RPS6KA5: variants seen among roughly 807,000 people sequenced by gnomAD.
The protein encoded by RPS6KA5 is ribosomal protein S6 kinase A5.
RPS6KA5 carries 27 observed loss-of-function variants against 85.5 expected under a neutral mutation model. The ratio of observed to expected loss-of-function variants is 0.32; its 90% CI spans 0.23 to 0.44. The LOEUF (loss-of-function observed/expected upper bound fraction) is 0.44. Among genes scored for constraint, RPS6KA5 ranks in the 20% least tolerant of loss-of-function variants. The probability of loss-of-function intolerance (pLI) is 1.00; values close to 1 mark genes in which losing one functional copy is unlikely to be tolerated. For missense variants in RPS6KA5, 811 were observed against 980.9 expected (o/e 0.83, Z 2.31); for synonymous variants, 334 against 348.2 (o/e 0.96, Z 0.46).
intron 5 of RPS6KA5, among the ~76,000 whole-genome samples, chr14:90,935,214 C>T (rs772554091): frequency 6.6e-6 from 1 of 152,112 alleles, no homozygotes; most frequent in Non-Finnish European, 1.5e-5. Context: ...TCTTGAGATA[C>T]GTACATTATA....
intron 1 of RPS6KA5, among the ~76,000 whole-genome samples, chr14:91,033,519 T>C (rs2042278197): frequency 6.6e-6 from 1 of 151,682 alleles, no homozygotes; most frequent in African/African-American, 2.4e-5. Context: ...GGAGAATCAC[T>C]TGAAACCGGG....
In RPS6KA5 at chr14:90,873,680, T is replaced by C. The variant is rs2033268872; in HGVS notation, c.2112A>G (p.Leu704=). ...SSNPLMTPDI[L]GSSGAAVHTC... is the part of the protein sequence containing the mutation. The stretch of plus-strand genomic sequence containing the variant: ...TATGCACGGCAGCTCCGGAAGATCC[T>C]AGAATATCCGGAGTCATCAGAGGAT... The change falls in exon 16 of 17, where the codon CTA becomes CTG. Residue 704 remains leucine, a synonymous_variant. Transcript: ENST00000614987. The C allele has an allele frequency of 6.2e-7, 1 of 1,614,034 alleles. No homozygotes were observed. The highest frequency in any genetic ancestry group is 8.5e-7 in the Non-Finnish European group (1 of 1,180,002).
At chr14:90,980,555 G>A (rs1007517532) in intron 2 of RPS6KA5, among the ~76,000 whole-genome samples, 2 of 152,168 alleles carry the variant, frequency 1.3e-5, no homozygotes, top group African/African-American at 4.8e-5. Flanking sequence ...AAACTCATTC[G>A]ATTCTTACAA....
At chr14:90,898,203 C>T (rs1393845290) in intron 12 of RPS6KA5, among the ~76,000 whole-genome samples, 3 of 152,166 alleles carry the variant, frequency 2.0e-5, no homozygotes, top group Non-Finnish European at 4.4e-5. Context: ...ACTGTAAGAC[C>T]TGTTACTTAA....
intron 8 of RPS6KA5, among the ~76,000 whole-genome samples, chr14:90,904,796 C>T (rs1003850684): frequency 6.6e-6 from 1 of 152,042 alleles, no homozygotes; most frequent in African/African-American, 2.4e-5. Context: ...AAAGTCAAGG[C>T]AATTAAGTAA....
intron 3 of RPS6KA5, among the ~76,000 whole-genome samples, chr14:90,955,113 C>T (rs927571159): frequency 1.3e-5 from 2 of 152,192 alleles, no homozygotes; most frequent in Non-Finnish European, 1.5e-5. Flanking sequence ...TTATGTCCCT[C>T]CTTTCTGGTT....
At position 90,875,220 on chromosome 14, in the gene RPS6KA5, C is replaced by G. The variant is rs753356455; in HGVS notation, c.1977G>C (p.Glu659Asp). Residue 659 changes from glutamate to aspartate, a missense_variant, in exon 15 of 17, where the codon GAG (glutamate) becomes GAC (aspartate). Glu to Asp is a conservative substitution (Grantham distance 45). Transcript: ENST00000614987. Reference sequence around the variant, plus strand: ...TCTTACCTTGGATCAAATCTTTAGCCTCTTGGGATACATTCTTCCAGGCTT... The same window carrying G: ...TCTTACCTTGGATCAAATCTTTAGCGTCTTGGGATACATTCTTCCAGGCTT... ...EGEAWKNVSQ[E>D]AKDLIQGLLT... is the part of the protein sequence containing the mutation. 1 of 1,613,538 alleles carries G rather than the reference C, an allele frequency of 6.2e-7. No individual in the cohort carries two copies. Among genetic ancestry groups the G allele is most frequent in the East Asian group, 2.2e-5 (1 of 44,874 alleles).
At chr14:90,903,948 A>AT (rs2035338295) in intron 8 of RPS6KA5, among the ~76,000 whole-genome samples, 3 of 102,716 alleles carry the variant, frequency 2.9e-5, no homozygotes, top group Admixed American at 1.1e-4. Flanking sequence ...AACTACCATA[A>AT]ATTTTTTTTT....
chr14:90,977,436 G>A (rs189591317), intron 3 of RPS6KA5, among the ~76,000 whole-genome samples: 97 of 152,280 alleles, frequency 6.4e-4, no homozygotes, highest in African/African-American at 2.0e-3. Context: ...ATATATAAAG[G>A]TCCAGCTCTA....
intron 2 of RPS6KA5, among the ~76,000 whole-genome samples, chr14:90,993,759 T>C (rs1392170884): frequency 6.6e-6 from 1 of 152,232 alleles, no homozygotes; most frequent in Non-Finnish European, 1.5e-5. Flanking sequence ...TATACTTGTA[T>C]GCAAGTACTT....
chr14:91,018,507 A>C (rs2041601687), intron 1 of RPS6KA5, among the ~76,000 whole-genome samples: 1 of 152,254 alleles, frequency 6.6e-6, no homozygotes, highest in South Asian at 2.1e-4. Flanking sequence ...CAGCATGGCT[A>C]GAACAAAAGC....
intron 3 of RPS6KA5, among the ~76,000 whole-genome samples, chr14:90,977,738 A>G (rs1378862023): frequency 6.6e-5 from 10 of 152,170 alleles, no homozygotes; most frequent in Admixed American, 6.5e-4. Flanking sequence ...GATACCCCTA[A>G]CAATTCAAAT....
intron 1 of RPS6KA5, 113 bp from the exon 2 acceptor site, chr14:91,001,272 G>C (rs568709381): frequency 6.9e-5 from 44 of 641,770 alleles, no homozygotes; most frequent in Non-Finnish European, 1.9e-5. Flanking sequence ...TGATTAACCA[G>C]GGTTTGCTTT....
intron 5 of RPS6KA5, among the ~76,000 whole-genome samples, chr14:90,928,890 G>C (rs1474083862): frequency 6.6e-6 from 1 of 151,896 alleles, no homozygotes; most frequent in African/African-American, 2.4e-5. Flanking sequence ...TGTGACAAAT[G>C]CAATTTTATA....
chr14:91,051,068 A>C (rs931739814), intron 1 of RPS6KA5, among the ~76,000 whole-genome samples: 38 of 151,962 alleles, frequency 2.5e-4, no homozygotes, highest in Non-Finnish European at 4.1e-4. Context: ...CCTCTACCAA[A>C]AAATACAAAA....
At chr14:90,872,583 A>C (rs2033192482) in intron 16 of RPS6KA5, among the ~76,000 whole-genome samples, 1 of 152,188 alleles carries the variant, frequency 6.6e-6, no homozygotes. Context: ...CTTTTGAAGA[A>C]GTTAGTACTA....
intron 5 of RPS6KA5, among the ~76,000 whole-genome samples, chr14:90,929,213 T>C (rs1425345141): frequency 3.3e-5 from 5 of 152,048 alleles, no homozygotes. Context: ...AAAATACATA[T>C]ACACATAAAA....
intron 1 of RPS6KA5, among the ~76,000 whole-genome samples, chr14:91,054,181 A>G (rs2043210644): frequency 6.6e-6 from 1 of 152,240 alleles, no homozygotes; most frequent in African/African-American, 2.4e-5. Context: ...CATGATATCC[A>G]GCAATTACCT....
chr14:90,881,662 G>A (rs2033848619), intron 14 of RPS6KA5, among the ~76,000 whole-genome samples: 1 of 151,854 alleles, frequency 6.6e-6, no homozygotes, highest in African/African-American at 2.4e-5. Flanking sequence ...CACCACGCCT[G>A]GATAACTTTT....
Sources: allele counts gnomAD v4.1 joint callset (sites outside exome capture counted in the v4.1 genomes callset), GRCh38; gene constraint gnomAD v4.1.1; transcripts MANE v1.5; gene names NCBI Gene and HGNC (gene_info 2026-07-23, HGNC 2026-07-21).